The following LPAR3 variants were observed in gnomAD, a reference collection of about 807,000 sequenced individuals.
The protein encoded by LPAR3 is lysophosphatidic acid receptor 3.
In LPAR3, 7 loss-of-function variants were observed where a neutral mutation model predicts 17.8. The observed-to-expected ratio is 0.39, with a 90% CI of 0.22 to 0.74. The LOEUF (loss-of-function observed/expected upper bound fraction) is 0.74, where lower values mean the gene tolerates loss of function less well. Among genes scored for constraint, LPAR3 ranks in the 30% least tolerant of loss-of-function variants. The pLI, the probability that LPAR3 is intolerant of heterozygous loss-of-function variation, is 0.40. For missense variants in LPAR3, 391 were observed against 453.4 expected, an observed-to-expected ratio of 0.86 and a Z score of 1.25; for synonymous variants, 179 against 179.9, an observed-to-expected ratio of 0.99 and a Z score of 0.04.
At position 84,814,237 on chromosome 1, in the gene LPAR3, C is replaced by G. The variant is rs1166308599; in HGVS notation, c.737-66G>C. 8 of 1,383,242 alleles carry G rather than the reference C, an allele frequency of 5.8e-6. No individual in the cohort carries two copies. The South Asian group carries it at 7.5e-5, about 13-fold the overall frequency. 85.7% of individuals were successfully genotyped at this position (1,383,242 alleles called of 1,614,324 possible). The stretch of plus-strand genomic sequence containing the variant: ...AGGGGACTTATTCAGGTTTTCTTCT[C>G]TCCCAGCCTTTAGCCAGTGGCATCA... On this transcript the variant is annotated intron_variant, in intron 2 of 2. Transcript: ENST00000370611.
Position 84,865,638 on chromosome 1 carries a change from C to T in LPAR3, c.483G>A (p.Ala161=), listed in dbSNP as rs752564044. The stretch of plus-strand genomic sequence containing the variant: ...GGCAATTCCAGCCCAGTGTGGGGAC[C>T]GCCCCCATAAAAATGGCGATGGCCC... ...LVWAIAIFMG[A]VPTLGWNCLC... Residue 161 remains alanine, a synonymous_variant, in exon 2 of 3, where the codon GCG becomes GCA. Transcript: ENST00000370611. The T allele has an allele frequency of 5.0e-5, 80 of 1,613,998 alleles. No individual in the cohort carries two copies. The highest frequency in any genetic ancestry group is 1.6e-4 in the Middle Eastern group (1 of 6,084).
chr1:84,814,009 A>G lies in LPAR3; in HGVS notation c.899T>C (p.Met300Thr), dbSNP rs755025872. ...GATCATCTTCTTCATGGTGCCATACATGTCCTCGTCCTTGTAGGAGTAGAT... is the reference window on the plus strand; with the variant it reads ...GATCATCTTCTTCATGGTGCCATACGTGTCCTCGTCCTTGTAGGAGTAGAT... ...PIIYSYKDED[M>T]YGTMKKMICC... Residue 300 changes from methionine (M) to threonine (T), a missense_variant, in exon 3 of 3, where the codon ATG becomes ACG. By Grantham distance (81) the Met-to-Thr change is moderately conservative. Transcript: ENST00000370611. 12 of 1,614,024 alleles carry G rather than the reference A, an allele frequency of 7.4e-6. No homozygotes were observed. In the African/African-American group the frequency reaches 9.3e-5, roughly 13 times the overall value.
intron 2 of LPAR3, among the ~76,000 whole-genome samples, chr1:84,822,632 T>C (rs762352705): frequency 6.6e-5 from 10 of 152,176 alleles, no homozygotes; most frequent in Admixed American, 6.5e-4. Context: ...CTCCACATTA[T>C]AGGAAATAAG....
intron 1 of LPAR3, among the ~76,000 whole-genome samples, chr1:84,874,221 C>A (rs1660213584): frequency 6.6e-6 from 1 of 152,136 alleles, no homozygotes; most frequent in African/African-American, 2.4e-5. Context: ...AATACAAACG[C>A]AAAGCTTAAG....
At chr1:84,876,016 T>G (rs936534807) in intron 1 of LPAR3, among the ~76,000 whole-genome samples, 4 of 152,198 alleles carry the variant, frequency 2.6e-5, no homozygotes, top group African/African-American at 9.7e-5. Context: ...AATAATATTT[T>G]TAAAGCATGC....
chr1:84,823,933 C>A (rs141164403), intron 2 of LPAR3, among the ~76,000 whole-genome samples: 1 of 152,192 alleles, frequency 6.6e-6, no homozygotes, highest in South Asian at 2.1e-4. Flanking sequence ...ATTGGACATT[C>A]TTCCTGCTGA....
rs150610633 is a variant in LPAR3, at chr1:84,890,875, A to T, written c.-19+2141T>A. Among the ~76,000 whole-genome samples the T allele has an allele frequency of 1.1e-3, 161 of 152,328 alleles. 1 individual carries two copies. In the East Asian group the frequency reaches 0.027, roughly 25 times the overall value. On this transcript the variant is annotated intron_variant, in intron 1 of 2. Transcript: ENST00000370611. ...TGAGAAACTTGGGGGAGAAGCAGCC[A>T]GCCTTAGGCATGTGTGTATAAGTGA...
At chr1:84,874,365 G>A (rs371954760) in intron 1 of LPAR3, among the ~76,000 whole-genome samples, 8 of 152,192 alleles carry the variant, frequency 5.3e-5, no homozygotes, top group African/African-American at 1.2e-4. Context: ...CCCATGGCAC[G>A]TCAGGGGGCT....
chr1:84,864,886 C>T (rs1258462617), intron 2 of LPAR3, among the ~76,000 whole-genome samples: 3 of 152,104 alleles, frequency 2.0e-5, no homozygotes, highest in African/African-American at 7.3e-5. Context: ...AGCTCCCTGA[C>T]CTCATCTTCT....
At chr1:84,886,526 T>TA (rs1487525101) in intron 1 of LPAR3, among the ~76,000 whole-genome samples, 3 of 152,008 alleles carry the variant, frequency 2.0e-5, no homozygotes, top group Admixed American at 2.0e-4. Flanking sequence ...ACCCTGTCTC[T>TA]AAAAAAATTA....
At chr1:84,882,210 A>C (rs553867375) in intron 1 of LPAR3, among the ~76,000 whole-genome samples, 13 of 152,368 alleles carry the variant, frequency 8.5e-5, no homozygotes, top group African/African-American at 3.1e-4. Context: ...AATCCAAAAA[A>C]GGAAATTATG....
At chr1:84,858,339 C>T (rs1659868556) in intron 2 of LPAR3, among the ~76,000 whole-genome samples, 1 of 151,990 alleles carries the variant, frequency 6.6e-6, no homozygotes, top group Non-Finnish European at 1.5e-5. Flanking sequence ...AGAAAAGTAG[C>T]TGGGCATGGT....
chr1:84,861,371 A>C (rs9324143), intron 2 of LPAR3, among the ~76,000 whole-genome samples: 111,161 of 152,016 alleles, frequency 0.73, 40,695 homozygotes, highest in Middle Eastern at 0.77. Context: ...ATCCACAGAA[A>C]TGTTTGGTGC....
rs150383859 is a variant in LPAR3, at chr1:84,874,574, T to C, written c.-18-8436A>G. 1.2e-4 allele frequency among the ~76,000 whole-genome samples: 18 copies of C among 152,310 alleles called. No homozygotes were observed. The East Asian group carries it at 2.1e-3, about 18-fold the overall frequency. On this transcript the variant is annotated intron_variant, in intron 1 of 2. Coordinates refer to ENST00000370611, the MANE Select transcript of LPAR3 (RefSeq NM_012152.3). ...TGAAAACATACAGAATTGAACTAAATAAAAGAGGTGACAGATGAATTTTAT... is the reference window on the plus strand; with the variant it reads ...TGAAAACATACAGAATTGAACTAAACAAAAGAGGTGACAGATGAATTTTAT...
rs1034712192 is a variant in LPAR3 at position 84,854,591 on chromosome 1, C to T, written c.736+10794G>A. On this transcript the variant is annotated intron_variant, in intron 2 of 2. Transcript: ENST00000370611. ...GTCATTTCCTGACAACCATAAACCA[C>T]TAGAGCAAGCACAGATTCACAGTGC... is the stretch of plus-strand genomic sequence containing the variant. 3.9e-5 allele frequency among the ~76,000 whole-genome samples: 6 copies of T among 152,302 alleles called. 1 individual carries two copies. Among genetic ancestry groups the T allele is most frequent in the Admixed American group, 2.0e-4 (3 of 15,304 alleles).
intron 2 of LPAR3, among the ~76,000 whole-genome samples, chr1:84,818,373 G>A (rs1237950827): frequency 6.6e-6 from 1 of 152,072 alleles, no homozygotes; most frequent in Non-Finnish European, 1.5e-5. Context: ...GTTTTGTGCT[G>A]GGGAGAAAAC....
chr1:84,888,345 C>T (rs1463309220), intron 1 of LPAR3, among the ~76,000 whole-genome samples: 1 of 152,138 alleles, frequency 6.6e-6, no homozygotes, highest in African/African-American at 2.4e-5. Context: ...TACCCCCATT[C>T]GACGAACTGA....
intron 2 of LPAR3, among the ~76,000 whole-genome samples, chr1:84,834,346 A>G (rs1256816054): frequency 1.3e-5 from 2 of 152,226 alleles, no homozygotes; most frequent in East Asian, 3.8e-4. Flanking sequence ...CTATTTCCCC[A>G]AGTGCAAGAA....
Position 84,816,215 on chromosome 1 carries a change from A to G in LPAR3, c.737-2044T>C, listed in dbSNP as rs367980743. 3.5e-4 allele frequency among the ~76,000 whole-genome samples: 53 copies of G among 152,346 alleles called. 1 individual carries two copies. In the South Asian group the frequency reaches 8.3e-3, roughly 24 times the overall value. ...AACTGGATGGGCAGCCAAGTTTGCA[A>G]CTACCAACTTGAGAATTCATATTAG... is the stretch of plus-strand genomic sequence containing the variant. On this transcript the variant is annotated intron_variant, in intron 2 of 2. Coordinates refer to ENST00000370611, the MANE Select transcript of LPAR3 (RefSeq NM_012152.3).
Sources: allele counts gnomAD v4.1 joint callset (sites outside exome capture counted in the v4.1 genomes callset), GRCh38; gene constraint gnomAD v4.1.1; transcripts MANE v1.5; gene names NCBI Gene and HGNC (gene_info 2026-07-23, HGNC 2026-07-21).